The following CYP4X1 variants were observed in gnomAD, a reference collection of about 807,000 sequenced individuals.
The protein encoded by CYP4X1 is cytochrome P450 family 4 subfamily X member 1.
A neutral mutation model predicts 57.9 loss-of-function variants in CYP4X1; 44 were observed. The observed-to-expected ratio is 0.76, with a 90% CI of 0.60 to 0.98. CYP4X1 has a LOEUF of 0.98. CYP4X1 is among the 50% of genes least tolerant of loss of function. CYP4X1 has a pLI of 0.00. For synonymous variants in CYP4X1, 227 were observed against 228.6 expected, an observed-to-expected ratio of 0.99 and a Z score of 0.06; for missense variants, 532 against 623.9, an observed-to-expected ratio of 0.85 and a Z score of 1.57.
At chr1:47,051,936 C>T (rs546939293), downstream of CYP4X1, among the ~76,000 whole-genome samples, 9 of 152,100 alleles carry the variant, frequency 5.9e-5, no homozygotes, top group African/African-American at 2.2e-4. Context: ...TAAAAGCATG[C>T]ATGATAAATT....
chr1:47,015,983 A>G, the CYP4X1 span, among the ~76,000 whole-genome samples: 2 of 152,088 alleles, frequency 1.3e-5, no homozygotes, highest in East Asian at 3.9e-4. Context: ...CTCATCTTCT[A>G]TTTATCTACC....
Position 47,049,360 on chromosome 1 carries a change from T to A in CYP4X1, c.1273-62T>A. 4 of 1,202,920 alleles carry A rather than the reference T, an allele frequency of 3.3e-6. No individual in the cohort carries two copies. In the South Asian group the frequency reaches 4.9e-5, roughly 15 times the overall value. 74.5% of individuals were successfully genotyped at this position (1,202,920 alleles called of 1,614,324 possible). On this transcript the variant is annotated intron_variant, in intron 10 of 11. Coordinates refer to ENST00000371901, the MANE Select transcript of CYP4X1 (RefSeq NM_178033.2). Reference sequence around the variant, plus strand: ...ATTTCTATTGATCGGTGCTAGGTGGTAGGTGAAGAAATGTGTTCATGTTGT... The same window carrying A: ...ATTTCTATTGATCGGTGCTAGGTGGAAGGTGAAGAAATGTGTTCATGTTGT...
chr1:47,019,316 C>T (rs1403440353), upstream of CYP4X1, among the ~76,000 whole-genome samples: 2 of 152,150 alleles, frequency 1.3e-5, no homozygotes, highest in Non-Finnish European at 2.9e-5. Context: ...CCCCAATAAA[C>T]TTGTTTGTGG....
At chr1:47,020,259 C>T (rs1350885907), upstream of CYP4X1, among the ~76,000 whole-genome samples, 1 of 152,222 alleles carries the variant, frequency 6.6e-6, no homozygotes, top group African/African-American at 2.4e-5. Context: ...TAAGACACAG[C>T]TCCACTACAC....
the CYP4X1 span, chr1:46,961,591 G>A: frequency 7.8e-7 from 1 of 1,273,888 alleles, no homozygotes; most frequent in African/African-American, 1.5e-5. Flanking sequence ...CTATGATGTG[G>A]GGAGGAGGCC....
the CYP4X1 span, among the ~76,000 whole-genome samples, chr1:46,965,565 C>A: frequency 6.6e-6 from 1 of 152,162 alleles, no homozygotes; most frequent in East Asian, 1.9e-4. Flanking sequence ...TGTGAAACAG[C>A]AAAGATGGAG....
chr1:46,970,124 G>A, the CYP4X1 span, among the ~76,000 whole-genome samples: 46 of 152,328 alleles, frequency 3.0e-4, no homozygotes, highest in Non-Finnish European at 4.9e-4. Context: ...GCTGCATTGG[G>A]AGTATGTGAG....
intron 8 of CYP4X1, among the ~76,000 whole-genome samples, chr1:47,045,590 G>T (rs202088452): frequency 6.6e-6 from 1 of 152,132 alleles, no homozygotes; most frequent in Non-Finnish European, 1.5e-5. Flanking sequence ...GTTTATCATC[G>T]ACTTATTCTT....
the CYP4X1 span, among the ~76,000 whole-genome samples, chr1:46,969,937 T>C: frequency 6.6e-6 from 1 of 152,230 alleles, no homozygotes; most frequent in Non-Finnish European, 1.5e-5. Flanking sequence ...TTGGGCAAGA[T>C]AACCAAGTGT....
chr1:47,035,933 G>A lies in CYP4X1; in HGVS notation c.620G>A (p.Ser207Asn). 6.2e-7 allele frequency: 1 copy of A among 1,613,500 alleles called. No individual in the cohort carries two copies. The change falls in exon 5 of 12, where the codon AGC (serine) becomes AAC (asparagine). Residue 207 changes from serine to asparagine, a missense_variant and splice_region_variant. Coordinates refer to ENST00000371901, the MANE Select transcript of CYP4X1 (RefSeq NM_178033.2). ...AAGGAGACCAACTGCCAGACAAACAGGTCAGTGGTGGGAGAGCAAAAAAGA... is the reference window on the plus strand; with the variant it reads ...AAGGAGACCAACTGCCAGACAAACAAGTCAGTGGTGGGAGAGCAAAAAAGA... ...FSKETNCQTNSTHDPYAKAIF... is the reference protein window; with the variant it reads ...FSKETNCQTNNTHDPYAKAIF...
At position 47,023,761 on chromosome 1, in the gene CYP4X1, A is replaced by C. The variant is rs1569600772; in HGVS notation, c.-57A>C. Reference sequence around the variant, plus strand: ...CCCTACGCCAGCTCCGGGCGGGAGAAAGCCCACCCTCTCCCGCGCCCCAGG... The same window carrying C: ...CCCTACGCCAGCTCCGGGCGGGAGACAGCCCACCCTCTCCCGCGCCCCAGG... On this transcript the variant is annotated 5_prime_UTR_variant, in exon 1 of 12. Coordinates refer to ENST00000371901, the MANE Select transcript of CYP4X1 (RefSeq NM_178033.2). 3 of 1,571,626 alleles carry C rather than the reference A, an allele frequency of 1.9e-6. No homozygotes were observed. In the East Asian group the frequency reaches 6.8e-5, roughly 36 times the overall value.
At chr1:47,020,608 AATGTTCAACCC>A (rs1337047061), upstream of CYP4X1, among the ~76,000 whole-genome samples, 5 of 152,158 alleles carry the variant, frequency 3.3e-5, no homozygotes, top group Admixed American at 1.3e-4. Flanking sequence ...GGACACAGTA[AATGTTCAACCC>A]ATGTTTACTA....
intron 1 of CYP4X1, among the ~76,000 whole-genome samples, chr1:47,025,704 C>T (rs1644055548): frequency 6.6e-6 from 1 of 151,940 alleles, no homozygotes; most frequent in Non-Finnish European, 1.5e-5. Flanking sequence ...CTATTTTTTT[C>T]CAAATCCTCT....
At chr1:46,981,963 C>G in the CYP4X1 span, among the ~76,000 whole-genome samples, 4 of 152,098 alleles carry the variant, frequency 2.6e-5, no homozygotes, top group Non-Finnish European at 5.9e-5. Context: ...TGGGGAACAT[C>G]ACACACCAGG....
chr1:46,982,059 A>T, the CYP4X1 span, among the ~76,000 whole-genome samples: 1 of 152,226 alleles, frequency 6.6e-6, no homozygotes, highest in Non-Finnish European at 1.5e-5. Flanking sequence ...GCAGCAAATC[A>T]ACATGGCACA....
intron 4 of CYP4X1, 105 bp from the exon 5 acceptor site, chr1:47,035,701 G>A (rs1644172302): frequency 1.3e-6 from 2 of 1,485,086 alleles, no homozygotes; most frequent in Non-Finnish European, 1.8e-6. Context: ...CTGGGTCAGG[G>A]TTGTCTCCAT....
rs1286583446 is a variant in CYP4X1 at position 47,046,490 on chromosome 1, A to T, written c.1097A>T (p.Tyr366Phe). Residue 366 changes from tyrosine to phenylalanine, a missense_variant, in exon 9 of 12, where the codon TAC (tyrosine) becomes TTC (phenylalanine). Transcript: ENST00000371901. ...AGGGACCAGCTGGGTGAGATGTCGT[A>T]CACCACAATGTGCATCAAGGAGACG... ...ITWDQLGEMS[Y>F]TTMCIKETCR... 1 of 1,614,174 alleles carries T rather than the reference A, an allele frequency of 6.2e-7. No homozygotes were observed. Among genetic ancestry groups the T allele is most frequent in the Admixed American group, 1.7e-5 (1 of 60,000 alleles).
At chr1:46,979,495 A>G in the CYP4X1 span, among the ~76,000 whole-genome samples, 11 of 152,144 alleles carry the variant, frequency 7.2e-5, no homozygotes, top group Admixed American at 5.2e-4. Context: ...TGGCCTACCA[A>G]CCAAAAAGAG....
At chr1:46,974,903 ACT>A in the CYP4X1 span, among the ~76,000 whole-genome samples, 1 of 151,704 alleles carries the variant, frequency 6.6e-6, no homozygotes, top group Non-Finnish European at 1.5e-5. Flanking sequence ...AAAAATTGCC[ACT>A]CTGTGCTTTT....
Sources: allele counts gnomAD v4.1 joint callset (sites outside exome capture counted in the v4.1 genomes callset), GRCh38; gene constraint gnomAD v4.1.1; transcripts MANE v1.5; gene names NCBI Gene and HGNC (gene_info 2026-07-23, HGNC 2026-07-21).